FAT1: variants seen among roughly 807,000 people sequenced by gnomAD.
The protein encoded by FAT1 is protocadherin Fat 1.
In FAT1, 171 loss-of-function variants were observed where a neutral mutation model predicts 329.8. The ratio of observed to expected loss-of-function variants is 0.52; its 90% CI spans 0.46 to 0.59. FAT1 has a LOEUF of 0.59. Ranked by LOEUF, FAT1 falls within the 20% of genes least tolerant of loss-of-function variation. The probability of loss-of-function intolerance (pLI) is 0.00; values close to 1 mark genes in which losing one functional copy is unlikely to be tolerated. For synonymous variants in FAT1, 2,233 were observed against 2,228.6 expected (o/e 1.00, Z -0.06); for missense variants, 5,672 against 5,774.4 (o/e 0.98, Z 0.57).
chr4:186,660,970 CTA>C (rs1308786320), intron 3 of FAT1, among the ~76,000 whole-genome samples: 1 of 152,210 alleles, frequency 6.6e-6, no homozygotes, highest in Non-Finnish European at 1.5e-5. Flanking sequence ...GCTTGCTCAT[CTA>C]TCTCTTCACA....
At chr4:186,601,482 A>G (rs1738817466) in intron 20 of FAT1, 56 bp from the exon 21 acceptor site, 1 of 1,492,652 alleles carries the variant, frequency 6.7e-7, no homozygotes, top group Non-Finnish European at 9.2e-7. Context: ...CATATTTTTT[A>G]AAGTATGACT....
rs1371816762 is a variant in FAT1, at chr4:186,708,006, C to G, written c.1822G>C (p.Ala608Pro). The change falls in exon 2 of 27, where the codon GCT (alanine) becomes CCT (proline). Residue 608 changes from alanine to proline, a missense_variant. Ala to Pro is a conservative substitution (Grantham distance 27). Transcript: ENST00000441802. ...CTAAAGAAATCCAGTTCATTTCCAG[C>G]TTCAATCTGATACTGTACCAACTGA... ...ELQLVQYQIE[A>P]GNELDFFSLN... The G allele has an allele frequency of 6.2e-7, 1 of 1,613,928 alleles. No individual in the cohort carries two copies. The highest frequency in any genetic ancestry group is 1.7e-5 in the Admixed American group (1 of 60,018).
chr4:186,635,827 T>A (rs1197210036), intron 6 of FAT1, among the ~76,000 whole-genome samples, 198 bp downstream of exon 6: 7 of 152,230 alleles, frequency 4.6e-5, no homozygotes, highest in African/African-American at 1.7e-4. Context: ...ATAGAGCACC[T>A]ATTTTAAGCA....
intron 2 of FAT1, among the ~76,000 whole-genome samples, chr4:186,664,763 G>C (rs972371223): frequency 6.6e-6 from 1 of 152,092 alleles, no homozygotes; most frequent in Non-Finnish European, 1.5e-5. Context: ...TTGATCACTC[G>C]GGACTAAAGA....
At chr4:186,684,882 C>T (rs1224267464) in intron 2 of FAT1, among the ~76,000 whole-genome samples, 1 of 152,154 alleles carries the variant, frequency 6.6e-6, no homozygotes, top group Non-Finnish European at 1.5e-5. Context: ...ACTGGAAATG[C>T]TCATCTCTTC....
intron 2 of FAT1, among the ~76,000 whole-genome samples, chr4:186,688,289 T>C (rs949632117): frequency 6.6e-6 from 1 of 152,042 alleles, no homozygotes; most frequent in African/African-American, 2.4e-5. Flanking sequence ...TTGGCAATAA[T>C]TTCCTTTCAT....
chr4:186,649,470 C>A (rs918887465), intron 3 of FAT1, among the ~76,000 whole-genome samples: 4 of 152,162 alleles, frequency 2.6e-5, no homozygotes, highest in Admixed American at 6.5e-5. Flanking sequence ...TTAAGAACCT[C>A]AAGATGAGAC....
At chr4:186,592,888 T>C (rs1738313417) in intron 26 of FAT1, 8 of 392,588 alleles carry the variant, frequency 2.0e-5, no homozygotes, top group South Asian at 1.1e-4. Context: ...AACCACATAA[T>C]GATGCGTGGT....
rs758864028 is a variant in FAT1 at position 186,602,893 on chromosome 4, C to G, written c.11482+10G>C. 3.7e-6 allele frequency: 6 copies of G among 1,606,808 alleles called. No homozygotes were observed. In the Admixed American group the frequency reaches 1.0e-4, roughly 28 times the overall value. On this transcript the variant is annotated intron_variant, in intron 20 of 26. Transcript: ENST00000441802. ...AAAAATAAAAGTATACCCAACCATT[C>G]AACTCTCACCTGGGCACTGACCAAA... is the stretch of plus-strand genomic sequence containing the variant.
At chr4:186,715,832 T>C (rs1475531670) in intron 1 of FAT1, among the ~76,000 whole-genome samples, 3 of 152,226 alleles carry the variant, frequency 2.0e-5, no homozygotes, top group African/African-American at 7.2e-5. Flanking sequence ...AGTCTAAAGC[T>C]TAAATATCTT....
chr4:186,658,673 C>G (rs1742028486), intron 3 of FAT1, among the ~76,000 whole-genome samples: 1 of 152,148 alleles, frequency 6.6e-6, no homozygotes, highest in Admixed American at 6.5e-5. Flanking sequence ...TGGTCTCCAA[C>G]TCACCATTCC....
At chr4:186,632,161 T>C (rs1740629982) in intron 7 of FAT1, among the ~76,000 whole-genome samples, 1 of 152,218 alleles carries the variant, frequency 6.6e-6, no homozygotes, top group African/African-American at 2.4e-5. Context: ...TCCTGGGTTT[T>C]ATAGGGATTT....
intron 6 of FAT1, 104 bp from the exon 7 acceptor site, chr4:186,633,927 C>G (rs1437259776): frequency 4.8e-6 from 6 of 1,260,676 alleles, no homozygotes; most frequent in Non-Finnish European, 5.6e-6. Context: ...TTCTAATATA[C>G]TAGCAAAGAG....
rs753979210 is a variant in FAT1, at chr4:186,621,166, A to T, written c.5420T>A (p.Leu1807His). 6.2e-7 allele frequency: 1 copy of T among 1,614,012 alleles called. No individual in the cohort carries two copies. Among genetic ancestry groups the T allele is most frequent in the East Asian group, 2.2e-5 (1 of 44,880 alleles). ...ADADKDSNAL[L>H]VYHIVEPSVH... Reference sequence around the variant, plus strand: ...AGATGGTTCAACAATGTGATATACAAGCAAAGCATTTGAGTCTTTATCAGC... The same window carrying T: ...AGATGGTTCAACAATGTGATATACATGCAAAGCATTTGAGTCTTTATCAGC... Residue 1807 changes from leucine to histidine, a missense_variant, in exon 10 of 27, where the codon CTT becomes CAT. This residue lies in a region of FAT1 where 3,966 missense variants were observed against 3,915.2 expected (regional missense o/e 1.01). Transcript: ENST00000441802.
intron 2 of FAT1, among the ~76,000 whole-genome samples, chr4:186,679,303 G>A (rs1743090725): frequency 2.0e-5 from 3 of 151,730 alleles, no homozygotes; most frequent in African/African-American, 7.3e-5. Flanking sequence ...TGTAGTCCCA[G>A]CTACTCGGGA....
At chr4:186,617,347 C>T (rs1739761958) in intron 10 of FAT1, 146 bp from the exon 11 acceptor site, 3 of 635,866 alleles carry the variant, frequency 4.7e-6, no homozygotes, top group South Asian at 5.7e-5. Context: ...ATATATTAGC[C>T]TTCCAATTTA....
At chr4:186,613,455 T>G in intron 12 of FAT1, 113 bp from the exon 13 acceptor site, 1 of 764,760 alleles carries the variant, frequency 1.3e-6, no homozygotes, top group Non-Finnish European at 2.2e-6. Context: ...TTCACAGCCT[T>G]CCTCTTGAGA....
intron 2 of FAT1, among the ~76,000 whole-genome samples, chr4:186,668,702 G>A (rs541082661): frequency 3.4e-4 from 52 of 152,254 alleles, no homozygotes; most frequent in Middle Eastern, 6.8e-3. Flanking sequence ...CTAAAGCCAC[G>A]ACTGGCATTT....
chr4:186,658,665 G>C (rs1442935150), intron 3 of FAT1, among the ~76,000 whole-genome samples: 1 of 151,978 alleles, frequency 6.6e-6, no homozygotes, highest in Non-Finnish European at 1.5e-5. Context: ...TTATTTCTTG[G>C]TCTCCAACTC....
Sources: allele counts gnomAD v4.1 joint callset (sites outside exome capture counted in the v4.1 genomes callset), GRCh38; gene constraint gnomAD v4.1.1; regional missense constraint gnomAD v4.1.1; transcripts MANE v1.5; gene names NCBI Gene and HGNC (gene_info 2026-07-23, HGNC 2026-07-21).